RALGPS1: variants seen among roughly 807,000 people sequenced by gnomAD.
The protein encoded by RALGPS1 is Ral GEF with PH domain and SH3 binding motif 1.
Under a neutral mutation model 78.8 loss-of-function variants are expected in RALGPS1, and 19 were observed. The observed-to-expected ratio is 0.24, with a 90% confidence interval of 0.17 to 0.35. RALGPS1 has a LOEUF of 0.35. Ranked by LOEUF, RALGPS1 falls within the 10% of genes least tolerant of loss-of-function variation. RALGPS1 has a pLI of 1.00. For synonymous variants in RALGPS1, 228 were observed against 256.3 expected, an observed-to-expected ratio of 0.89 and a Z score of 1.06; for missense variants, 454 against 688.3, an observed-to-expected ratio of 0.66 and a Z score of 3.81.
chr9:127,099,969 T>G (rs1341787679), intron 8 of RALGPS1, among the ~76,000 whole-genome samples: 2 of 152,238 alleles, frequency 1.3e-5, no homozygotes, highest in African/African-American at 4.8e-5. Flanking sequence ...TTACTGGCTC[T>G]AAAATATGAA....
chr9:127,089,854 G>A (rs2052248526), intron 8 of RALGPS1, among the ~76,000 whole-genome samples: 1 of 152,212 alleles, frequency 6.6e-6, no homozygotes, highest in South Asian at 2.1e-4. Flanking sequence ...AGGACAGGGG[G>A]CCACTATCTG....
intron 5 of RALGPS1, among the ~76,000 whole-genome samples, chr9:127,046,672 C>CAA (rs71377987): frequency 1.9e-3 from 76 of 40,380 alleles, no homozygotes; most frequent in East Asian, 2.7e-3. Context: ...CCCATCCATA[C>CAA]AAAAAAAAAA....
At chr9:126,944,404 C>A (rs995430351) in intron 1 of RALGPS1, among the ~76,000 whole-genome samples, 12 of 152,136 alleles carry the variant, frequency 7.9e-5, no homozygotes, top group Non-Finnish European at 1.0e-4. Context: ...CCCCCTGCTC[C>A]CTACACGCCT....
At chr9:127,049,120 A>G (rs1248270112) in intron 5 of RALGPS1, among the ~76,000 whole-genome samples, 1 of 152,098 alleles carries the variant, frequency 6.6e-6, no homozygotes, top group African/African-American at 2.4e-5. Context: ...AATTCTCCCT[A>G]TGCCCCGTGC....
At chr9:127,202,866 A>C (rs1332850051) in intron 14 of RALGPS1, among the ~76,000 whole-genome samples, 1 of 152,100 alleles carries the variant, frequency 6.6e-6, no homozygotes, top group Non-Finnish European at 1.5e-5. Flanking sequence ...GGGGGCCCCC[A>C]GCACACTCTG....
intron 11 of RALGPS1, among the ~76,000 whole-genome samples, chr9:127,179,176 C>G (rs1047692793): frequency 1.3e-5 from 2 of 152,224 alleles, no homozygotes; most frequent in African/African-American, 2.4e-5. Context: ...ACCAATTTTC[C>G]AAATCCCTGG....
intron 8 of RALGPS1, among the ~76,000 whole-genome samples, chr9:127,149,895 A>G (rs1310018198): frequency 6.6e-6 from 1 of 152,188 alleles, no homozygotes; most frequent in Non-Finnish European, 1.5e-5. Flanking sequence ...AGCTGAGGAG[A>G]TGGCTCAGGT....
At chr9:127,107,717 A>C (rs2054354765) in intron 8 of RALGPS1, among the ~76,000 whole-genome samples, 1 of 152,104 alleles carries the variant, frequency 6.6e-6, no homozygotes, top group Non-Finnish European at 1.5e-5. Flanking sequence ...TTGAGGATCC[A>C]TCTAAGGAAT....
chr9:127,049,897 C>T, intron 5 of RALGPS1, 146 bp from the exon 6 acceptor site: 3 of 650,400 alleles, frequency 4.6e-6, no homozygotes, highest in South Asian at 3.8e-5. Flanking sequence ...AACTCTTTAA[C>T]TCATGTGACC....
intron 8 of RALGPS1, among the ~76,000 whole-genome samples, chr9:127,081,538 C>T (rs951596436): frequency 5.9e-5 from 9 of 152,352 alleles, no homozygotes; most frequent in East Asian, 1.9e-4. Flanking sequence ...TTCTTTTAAT[C>T]GTTTTCCCTT....
intron 9 of RALGPS1, among the ~76,000 whole-genome samples, chr9:127,168,424 A>G (rs1012667589): frequency 3.9e-5 from 6 of 152,190 alleles, no homozygotes; most frequent in African/African-American, 1.4e-4. Context: ...CTAAAAAAAC[A>G]TGGTGGCCTC....
chr9:126,929,227 A>G (rs1455452071), intron 1 of RALGPS1, among the ~76,000 whole-genome samples: 1 of 152,268 alleles, frequency 6.6e-6, no homozygotes, highest in Admixed American at 6.5e-5. Context: ...AGGGAAAACC[A>G]GATCCACTGG....
intron 11 of RALGPS1, among the ~76,000 whole-genome samples, chr9:127,188,694 A>C: frequency 6.6e-6 from 1 of 151,946 alleles, no homozygotes. Context: ...GGCTGGTTGC[A>C]GTGGCTCATG....
At chr9:127,023,395 T>C (rs1016932899) in intron 4 of RALGPS1, among the ~76,000 whole-genome samples, 1 of 152,228 alleles carries the variant, frequency 6.6e-6, no homozygotes, top group Non-Finnish European at 1.5e-5. Context: ...CTCTTCTTTC[T>C]TTCCCACTTG....
chr9:127,198,261 G>A (rs916459157), intron 13 of RALGPS1, among the ~76,000 whole-genome samples: 4 of 152,212 alleles, frequency 2.6e-5, no homozygotes, highest in Non-Finnish European at 4.4e-5. Context: ...AGATGCCAAG[G>A]GGCCTGGGAT....
chr9:126,940,216 A>G (rs1174492711), intron 1 of RALGPS1, among the ~76,000 whole-genome samples: 3 of 151,970 alleles, frequency 2.0e-5, no homozygotes, highest in Admixed American at 6.6e-5. Flanking sequence ...CTCTCACTCC[A>G]CTTCTGTTGA....
Position 127,219,907 on chromosome 9 carries a change from A to G in RALGPS1, c.*1138A>G, listed in dbSNP as rs903141258. On this transcript the variant is annotated 3_prime_UTR_variant, in exon 19 of 19. Transcript: ENST00000259351. The surrounding 1 kb of genome is among the most constrained non-coding windows in gnomAD (Gnocchi z 5.0). ...AAATGCAGTCACCAGCAAGTTTTCC[A>G]TTTTCCAAGTCCAAGGGCACAATTG... 1 of 152,500 alleles carries G rather than the reference A, an allele frequency of 6.6e-6. No homozygotes were observed. Among genetic ancestry groups the G allele is most frequent in the Non-Finnish European group, 1.5e-5 (1 of 68,032 alleles). 9.4% of individuals were successfully genotyped at this position (152,500 alleles called of 1,614,324 possible). A position where few individuals can be genotyped will look rare whatever the true frequency, so the allele number is the denominator to read the frequency against.
At chr9:127,132,057 G>C (rs1281547004) in intron 8 of RALGPS1, among the ~76,000 whole-genome samples, 1 of 152,188 alleles carries the variant, frequency 6.6e-6, no homozygotes, top group Non-Finnish European at 1.5e-5. Flanking sequence ...GGACTGGGCT[G>C]GCAGTGACCA....
intron 4 of RALGPS1, among the ~76,000 whole-genome samples, chr9:127,001,996 G>A (rs748833769): frequency 6.6e-6 from 1 of 152,094 alleles, no homozygotes; most frequent in Non-Finnish European, 1.5e-5. Context: ...TTTTTAAAAT[G>A]CATATAATCA....
Sources: allele counts gnomAD v4.1 joint callset (sites outside exome capture counted in the v4.1 genomes callset), GRCh38; gene constraint gnomAD v4.1.1; non-coding constraint Gnocchi (gnomAD v3.1); transcripts MANE v1.5; gene names NCBI Gene and HGNC (gene_info 2026-07-23, HGNC 2026-07-21).